The following SLCO3A1 variants were observed in gnomAD, a reference collection of about 807,000 sequenced individuals.
SLCO3A1 encodes PGE1 transporter.
In SLCO3A1, 27 loss-of-function variants were observed where a neutral mutation model predicts 63.1. That is an observed-to-expected ratio of 0.43 (90% CI 0.32 to 0.59). SLCO3A1 has a LOEUF of 0.59. Ranked by LOEUF, SLCO3A1 falls within the 20% of genes least tolerant of loss-of-function variation. The pLI, the probability that SLCO3A1 is intolerant of heterozygous loss-of-function variation, is 0.09. For missense variants in SLCO3A1, 773 were observed against 945.8 expected, an observed-to-expected ratio of 0.82 and a Z score of 2.40; for synonymous variants, 473 against 409.9, an observed-to-expected ratio of 1.15 and a Z score of -1.86.
At chr15:91,944,033 C>T (rs1455198595) in intron 2 of SLCO3A1, among the ~76,000 whole-genome samples, 4 of 152,154 alleles carry the variant, frequency 2.6e-5, no homozygotes, top group Admixed American at 2.0e-4. Flanking sequence ...CCATTTGCTA[C>T]CTGCACATCT....
At chr15:92,094,601 G>A (rs776683480) in intron 2 of SLCO3A1, among the ~76,000 whole-genome samples, 1 of 152,234 alleles carries the variant, frequency 6.6e-6, no homozygotes, top group Non-Finnish European at 1.5e-5. Flanking sequence ...AGATGCGGAT[G>A]TATTTTAATA....
chr15:92,096,099 C>T (rs1184352008), intron 3 of SLCO3A1, among the ~76,000 whole-genome samples: 1 of 152,138 alleles, frequency 6.6e-6, no homozygotes, highest in Non-Finnish European at 1.5e-5. Context: ...AGCTCAGGGT[C>T]TCTTATGAGG....
chr15:92,102,333 T>C (rs527836458), intron 3 of SLCO3A1, among the ~76,000 whole-genome samples: 70 of 152,288 alleles, frequency 4.6e-4, no homozygotes, highest in Middle Eastern at 3.4e-3. Context: ...TGTACCCTTT[T>C]TTAAAAAGAT....
chr15:91,979,876 T>G (rs2045962391), intron 2 of SLCO3A1, among the ~76,000 whole-genome samples: 1 of 152,186 alleles, frequency 6.6e-6, no homozygotes, highest in South Asian at 2.1e-4. Context: ...AAACTATTGG[T>G]GAGGATCATG....
At chr15:92,141,984 C>G (rs2048139362) in intron 7 of SLCO3A1, among the ~76,000 whole-genome samples, 1 of 152,210 alleles carries the variant, frequency 6.6e-6, no homozygotes, top group Non-Finnish European at 1.5e-5. Flanking sequence ...GGTGGATTGA[C>G]TCATTGGATG....
chr15:92,147,772 A>C (rs1176151530), intron 8 of SLCO3A1, among the ~76,000 whole-genome samples: 1 of 152,166 alleles, frequency 6.6e-6, no homozygotes, highest in African/African-American at 2.4e-5. Flanking sequence ...TGTCCTGGGG[A>C]TAGGTGAAGT....
chr15:92,107,672 A>G (rs1415874668), intron 4 of SLCO3A1, among the ~76,000 whole-genome samples: 5 of 152,172 alleles, frequency 3.3e-5, no homozygotes, highest in South Asian at 2.1e-4. Context: ...TTGGCCATCA[A>G]TCTGTGCCCC....
At chr15:92,022,958 T>TGCAGTGCTACCTGCA (rs1385488177) in intron 2 of SLCO3A1, among the ~76,000 whole-genome samples, 10 of 148,164 alleles carry the variant, frequency 6.7e-5, no homozygotes, top group African/African-American at 2.6e-4. Context: ...GGATTCTGGG[T>TGCAGTGCTACCTGCA]GTCAGAGTAG....
At chr15:91,888,596 T>G (rs999473931) in intron 1 of SLCO3A1, among the ~76,000 whole-genome samples, 1 of 152,190 alleles carries the variant, frequency 6.6e-6, no homozygotes, top group African/African-American at 2.4e-5. Context: ...ATAGCACTTA[T>G]CTTGTAGGAG....
chr15:92,037,449 A>C (rs1419795755), intron 2 of SLCO3A1, among the ~76,000 whole-genome samples: 5 of 152,190 alleles, frequency 3.3e-5, no homozygotes, highest in Admixed American at 3.3e-4. Flanking sequence ...CTTTTAATGA[A>C]AAGCCCAGTG....
rs139404517 is a variant in SLCO3A1 at position 91,913,606 on chromosome 15, G to A, written c.181-2387G>A. The stretch of plus-strand genomic sequence containing the variant: ...CCTGGCTATAGCATTTTTTTGGTTT[G>A]TTTTTTTAGTAACGGGAAATTGAAT... On this transcript the variant is annotated intron_variant, in intron 1 of 9. Transcript: ENST00000318445. 8.8e-3 allele frequency among the ~76,000 whole-genome samples: 1,332 copies of A among 151,250 alleles called. 19 individuals are homozygous for A. Among genetic ancestry groups the A allele is most frequent in the African/African-American group, 0.027 (1,110 of 40,874 alleles).
intron 1 of SLCO3A1, among the ~76,000 whole-genome samples, chr15:91,855,564 A>C (rs973357401): frequency 1.3e-5 from 2 of 152,314 alleles, no homozygotes; most frequent in East Asian, 3.9e-4. Context: ...TATAAAATAC[A>C]CTTATTGTGT....
intron 9 of SLCO3A1, among the ~76,000 whole-genome samples, chr15:92,157,552 G>C (rs1176773968): frequency 6.7e-6 from 1 of 149,752 alleles, no homozygotes; most frequent in Non-Finnish European, 1.5e-5. Flanking sequence ...GTGCAATAGT[G>C]TGATCTTGGC....
chr15:92,116,818 GA>G (rs2047800865), intron 4 of SLCO3A1, among the ~76,000 whole-genome samples: 1 of 152,200 alleles, frequency 6.6e-6, no homozygotes, highest in Non-Finnish European at 1.5e-5. Flanking sequence ...CTGGGGATGG[GA>G]GGAAGAACTT....
chr15:91,887,939 G>GT (rs1897768355), intron 1 of SLCO3A1, among the ~76,000 whole-genome samples: 1 of 152,212 alleles, frequency 6.6e-6, no homozygotes, highest in East Asian at 1.9e-4. Context: ...CTTACACACT[G>GT]TATGTGCTGA....
At chr15:91,876,807 C>T (rs1897411670) in intron 1 of SLCO3A1, among the ~76,000 whole-genome samples, 1 of 152,246 alleles carries the variant, frequency 6.6e-6, no homozygotes, top group Non-Finnish European at 1.5e-5. Flanking sequence ...CTGGTGCGCT[C>T]TTCTCTGCTG....
chr15:92,060,805 T>C (rs1285672644), intron 2 of SLCO3A1, among the ~76,000 whole-genome samples: 1 of 152,198 alleles, frequency 6.6e-6, no homozygotes, highest in Non-Finnish European at 1.5e-5. Context: ...CGGCCGGTAC[T>C]TTTTAATAAA....
intron 2 of SLCO3A1, among the ~76,000 whole-genome samples, chr15:91,922,607 A>T (rs1245356698): frequency 6.6e-6 from 1 of 152,110 alleles, no homozygotes; most frequent in African/African-American, 2.4e-5. Flanking sequence ...CATTGGGTAA[A>T]ATGTGTTTTA....
chr15:91,866,533 G>A (rs1424511258), intron 1 of SLCO3A1, among the ~76,000 whole-genome samples: 1 of 149,784 alleles, frequency 6.7e-6, no homozygotes, highest in African/African-American at 2.5e-5. Flanking sequence ...GGGGGTAGGA[G>A]TGATATGGTT....
Sources: allele counts gnomAD v4.1 joint callset (sites outside exome capture counted in the v4.1 genomes callset), GRCh38; gene constraint gnomAD v4.1.1; transcripts MANE v1.5; gene names NCBI Gene and HGNC (gene_info 2026-07-23, HGNC 2026-07-21).